ABCA12: variants seen among roughly 807,000 people sequenced by gnomAD.
ABCA12 encodes the protein glucosylceramide transporter ABCA12.
In ABCA12, 156 loss-of-function variants were observed where a neutral mutation model predicts 293.5. The observed-to-expected ratio is 0.53, with a 90% CI of 0.47 to 0.61. The LOEUF (loss-of-function observed/expected upper bound fraction) is 0.61. Ranked by LOEUF, ABCA12 falls within the 20% of genes least tolerant of loss-of-function variation. The pLI, the probability that ABCA12 is intolerant of heterozygous loss-of-function variation, is 0.00. For synonymous variants in ABCA12, 1,063 were observed against 1,108.0 expected (o/e 0.96, Z 0.81); for missense variants, 2,797 against 3,090.2 (o/e 0.91, Z 2.25).
Position 215,018,032 on chromosome 2 carries a change from A to T in ABCA12, c.1758T>A (p.Ile586=), listed in dbSNP as rs1301857630. The part of the protein sequence containing the change: ...SNRTIDKLLA[I]PIPDNRAEII... ...CCTCAGCTCTATTATCAGGGATGGG[A>T]ATGGCCAGCAACTTGTCAATAGTCC... Residue 586 remains isoleucine (I), a synonymous_variant, in exon 14 of 53, where the codon ATT becomes ATA. Transcript: ENST00000272895. 2 of 1,614,186 alleles carry T rather than the reference A, an allele frequency of 1.2e-6. No homozygotes were observed. The highest frequency in any genetic ancestry group is 1.7e-5 in the Admixed American group (1 of 60,030).
At chr2:215,111,714 T>A (rs1702574530) in intron 1 of ABCA12, 24 bp from the exon 2 acceptor site, 1 of 1,577,880 alleles carries the variant, frequency 6.3e-7, no homozygotes, top group Non-Finnish European at 8.7e-7. Flanking sequence ...GTAGAAAAAA[T>A]TGTTAGTTTT....
chr2:214,947,403 T>G lies in ABCA12; in HGVS notation c.7239+19A>C. On this transcript the variant is annotated intron_variant, in intron 48 of 52. Transcript: ENST00000272895. ...TGTTCTAATTATGGAGTGGCCTGTT[T>G]AAATAATGATTCTCTTACCAGCAGT... 6.2e-7 allele frequency: 1 copy of G among 1,613,760 alleles called. No homozygotes were observed. The highest frequency in any genetic ancestry group is 8.5e-7 in the Non-Finnish European group (1 of 1,179,690).
chr2:215,136,095 T>A (rs1031281793), intron 1 of ABCA12, among the ~76,000 whole-genome samples: 2 of 152,202 alleles, frequency 1.3e-5, no homozygotes, highest in African/African-American at 4.8e-5. Flanking sequence ...TGAAGACTTA[T>A]CTGTTCTGGT....
At chr2:214,997,896 C>T in intron 22 of ABCA12, 87 bp from the exon 23 acceptor site, 1 of 810,350 alleles carries the variant, frequency 1.2e-6, no homozygotes, top group Non-Finnish European at 2.1e-6. Flanking sequence ...AACTCACTCT[C>T]TCTTACATTG....
intron 6 of ABCA12, among the ~76,000 whole-genome samples, chr2:215,047,887 TA>T (rs1186082574): frequency 6.6e-6 from 1 of 151,430 alleles, no homozygotes; most frequent in Non-Finnish European, 1.5e-5. Flanking sequence ...ACAGACAACC[TA>T]CAGAATGGGA....
At chr2:215,010,206 G>T in intron 18 of ABCA12, 125 bp downstream of exon 18, 1 of 1,243,424 alleles carries the variant, frequency 8.0e-7, no homozygotes, top group Non-Finnish European at 1.1e-6. Flanking sequence ...GTTTCAGAAA[G>T]CCAAGGATAA....
At chr2:214,994,488 G>T (rs916107770) in intron 23 of ABCA12, among the ~76,000 whole-genome samples, 1 of 152,312 alleles carries the variant, frequency 6.6e-6, no homozygotes, top group East Asian at 1.9e-4. Context: ...ATGCACAGGG[G>T]TTGACGTAAA....
At chr2:215,055,050 T>C (rs1701392987) in intron 3 of ABCA12, among the ~76,000 whole-genome samples, 1 of 152,100 alleles carries the variant, frequency 6.6e-6, no homozygotes, top group South Asian at 2.1e-4. Context: ...GGTCTGCTTA[T>C]TTGTCAACAT....
chr2:215,132,233 T>C (rs1703075296), intron 1 of ABCA12, among the ~76,000 whole-genome samples: 1 of 152,130 alleles, frequency 6.6e-6, no homozygotes, highest in Non-Finnish European at 1.5e-5. Context: ...TATAATGTTC[T>C]ATAAATGTCT....
At position 214,932,502 on chromosome 2, in the gene ABCA12, C is replaced by G. The variant is rs1698089671; in HGVS notation, c.*132G>C. On this transcript the variant is annotated 3_prime_UTR_variant, in exon 53 of 53. Transcript: ENST00000272895. ...CTTTTATAATTACTTGTTAGTCTAA[C>G]ACAGTTGTAACTTTCCATACAGTAT... 1 of 764,978 alleles carries G rather than the reference C, an allele frequency of 1.3e-6. No individual in the cohort carries two copies. The highest frequency in any genetic ancestry group is 2.2e-6 in the Non-Finnish European group (1 of 451,686). 47.4% of individuals were successfully genotyped at this position (764,978 alleles called of 1,614,324 possible). A position where few individuals can be genotyped will look rare whatever the true frequency, so the allele number is the denominator to read the frequency against.
intron 11 of ABCA12, chr2:215,020,691 AATTCTT>A (rs1700609389): frequency 5.7e-5 from 1 of 17,496 alleles, no homozygotes; most frequent in African/African-American, 2.2e-4. Context: ...ATTTTACCAC[AATTCTT>A]ATTTTTATTT....
In ABCA12 at chr2:215,064,287, A is replaced by G. The variant is rs1383833974; in HGVS notation, c.164-68T>C. 2.0e-6 allele frequency: 3 copies of G among 1,509,244 alleles called. No homozygotes were observed. The East Asian group carries it at 7.2e-5, about 36-fold the overall frequency. 93.5% of individuals were successfully genotyped at this position (1,509,244 alleles called of 1,614,324 possible). ...GTCTGGGAAAGAACATAAATGCAGT[A>G]ACTCCACTTTGTGAAGTTAACCTCC... On this transcript the variant is annotated intron_variant, in intron 2 of 52. Transcript: ENST00000272895.
intron 3 of ABCA12, among the ~76,000 whole-genome samples, chr2:215,056,335 A>G (rs974551863): frequency 6.6e-5 from 10 of 152,068 alleles, no homozygotes; most frequent in African/African-American, 2.4e-5. Flanking sequence ...TTTAAACACC[A>G]TGGAAAGACA....
At chr2:215,070,506 G>C (rs999151784) in intron 2 of ABCA12, among the ~76,000 whole-genome samples, 1 of 150,828 alleles carries the variant, frequency 6.6e-6, no homozygotes, top group Non-Finnish European at 1.5e-5. Flanking sequence ...TTAGCATTAG[G>C]TATATCTCCT....
chr2:215,128,548 C>G lies in ABCA12; in HGVS notation c.69+9592G>C, dbSNP rs140518077. 3.9e-3 allele frequency among the ~76,000 whole-genome samples: 562 copies of G among 144,122 alleles called. 1 individual carries two copies. The highest frequency in any genetic ancestry group is 0.014 in the African/African-American group (485 of 35,114). 94.5% of individuals were successfully genotyped at this position (144,122 alleles called of 152,430 possible). On this transcript the variant is annotated intron_variant, in intron 1 of 52. Coordinates refer to ENST00000272895, the MANE Select transcript of ABCA12 (RefSeq NM_173076.3). ...GATTGGATTAATTCTAAGACCTTGT[C>G]TTTGAGCTCTGAATTTCTTTCTTCT...
intron 14 of ABCA12, among the ~76,000 whole-genome samples, chr2:215,016,541 C>T (rs1700505453): frequency 1.7e-5 from 2 of 120,734 alleles, no homozygotes; most frequent in South Asian, 5.4e-4. Flanking sequence ...GGAGATTGTA[C>T]CACTGCACTC....
chr2:214,980,830 G>C (rs529851203), intron 30 of ABCA12, among the ~76,000 whole-genome samples, 187 bp from the exon 31 acceptor site: 3 of 152,274 alleles, frequency 2.0e-5, no homozygotes, highest in Non-Finnish European at 2.9e-5. Flanking sequence ...CAGGCTCACT[G>C]GTTCACGCCT....
intron 2 of ABCA12, among the ~76,000 whole-genome samples, chr2:215,096,907 TC>T (rs1357571611): frequency 2.0e-5 from 3 of 152,158 alleles, no homozygotes; most frequent in Non-Finnish European, 4.4e-5. Context: ...CAAACTCATT[TC>T]CCAGTAGAAT....
chr2:215,136,075 C>T (rs987727313), intron 1 of ABCA12, among the ~76,000 whole-genome samples: 1 of 152,152 alleles, frequency 6.6e-6, no homozygotes, highest in Admixed American at 6.5e-5. Flanking sequence ...TCTCTGACCT[C>T]ACTCTGCCGT....
Sources: allele counts gnomAD v4.1 joint callset (sites outside exome capture counted in the v4.1 genomes callset), GRCh38; gene constraint gnomAD v4.1.1; transcripts MANE v1.5; gene names NCBI Gene and HGNC (gene_info 2026-07-23, HGNC 2026-07-21).